Variants in MPP7 observed in about 807,000 individuals in gnomAD.
The protein encoded by MPP7 is MAGUK p55 scaffold protein 7, also known as MAGUK p55 subfamily member 7.
Under a neutral mutation model 76.5 loss-of-function variants are expected in MPP7, and 60 were observed. The observed-to-expected ratio is 0.78, with a 90% confidence interval of 0.64 to 0.97. The LOEUF (loss-of-function observed/expected upper bound fraction) is 0.97, where lower values mean the gene tolerates loss of function less well. MPP7 is among the 50% of genes least tolerant of loss of function. MPP7 has a pLI of 0.00. For missense variants in MPP7, 641 were observed against 694.0 expected (o/e 0.92, Z 0.86); for synonymous variants, 237 against 244.5 (o/e 0.97, Z 0.29).
At chr10:28,062,962 T>C (rs1451362701) in intron 13 of MPP7, among the ~76,000 whole-genome samples, 1 of 150,738 alleles carries the variant, frequency 6.6e-6, no homozygotes, top group Non-Finnish European at 1.5e-5. Context: ...AACAGAAAAA[T>C]TACAAAACAT....
intron 1 of MPP7, among the ~76,000 whole-genome samples, chr10:28,294,531 G>A (rs574863222): frequency 1.3e-5 from 2 of 152,164 alleles, no homozygotes; most frequent in East Asian, 3.9e-4. Context: ...AGGCAGCATC[G>A]ATATGAATGT....
At chr10:28,172,122 G>A (rs1397702106) in intron 3 of MPP7, among the ~76,000 whole-genome samples, 2 of 152,178 alleles carry the variant, frequency 1.3e-5, no homozygotes, top group Non-Finnish European at 2.9e-5. Flanking sequence ...GGAGAAGGAC[G>A]ATGTCATGAA....
At chr10:28,201,714 C>A (rs539353841) in intron 3 of MPP7, among the ~76,000 whole-genome samples, 1 of 152,242 alleles carries the variant, frequency 6.6e-6, no homozygotes, top group South Asian at 2.1e-4. Context: ...AAAGGAACAG[C>A]TTACTAGAAT....
chr10:28,080,875 A>G (rs1285928975), intron 12 of MPP7, among the ~76,000 whole-genome samples: 1 of 152,214 alleles, frequency 6.6e-6, no homozygotes, highest in East Asian at 1.9e-4. Context: ...CTAATTCTAC[A>G]AGCCTTCCAT....
chr10:28,333,861 G>A (rs951760438), intron 1 of MPP7, among the ~76,000 whole-genome samples: 1 of 152,208 alleles, frequency 6.6e-6, no homozygotes, highest in East Asian at 1.9e-4. Context: ...AATTTGGGCC[G>A]AGAAATTTTT....
chr10:28,228,617 T>G (rs889928900), intron 2 of MPP7, among the ~76,000 whole-genome samples: 1 of 151,838 alleles, frequency 6.6e-6, no homozygotes, highest in Admixed American at 6.6e-5. Context: ...AATACAAAAA[T>G]TAGCCGGGTG....
chr10:28,330,910 C>G (rs1209435345), intron 1 of MPP7, among the ~76,000 whole-genome samples: 1 of 152,182 alleles, frequency 6.6e-6, no homozygotes, highest in East Asian at 1.9e-4. Flanking sequence ...ATCCTCCTGC[C>G]TCAGCCTCCC....
upstream of MPP7, among the ~76,000 whole-genome samples, chr10:28,305,235 G>A (rs1435615278): frequency 6.6e-6 from 1 of 152,206 alleles, no homozygotes; most frequent in African/African-American, 2.4e-5. Flanking sequence ...AAGCCAGCAT[G>A]GGTATCATGG....
chr10:28,132,427 A>G (rs1262389446), intron 5 of MPP7, among the ~76,000 whole-genome samples: 14 of 152,122 alleles, frequency 9.2e-5, no homozygotes, highest in Admixed American at 5.9e-4. Context: ...TATATATTCT[A>G]TTTTTTAAAA....
At chr10:28,262,218 T>TAC (rs1839989732) in intron 1 of MPP7, among the ~76,000 whole-genome samples, 1 of 56,328 alleles carries the variant, frequency 1.8e-5, no homozygotes. Flanking sequence ...CATATATATA[T>TAC]ATATATACAT....
chr10:28,245,892 A>G (rs1839418415), intron 1 of MPP7, among the ~76,000 whole-genome samples: 1 of 97,648 alleles, frequency 1.0e-5, no homozygotes, highest in Non-Finnish European at 2.2e-5. Context: ...GATCAAGCAG[A>G]AAAAAAAAAT....
At chr10:28,200,894 C>A (rs546676889) in intron 3 of MPP7, among the ~76,000 whole-genome samples, 1 of 152,254 alleles carries the variant, frequency 6.6e-6, no homozygotes, top group African/African-American at 2.4e-5. Flanking sequence ...GATGACACCT[C>A]AAATATATTT....
At chr10:28,165,727 T>C (rs1836429154) in intron 3 of MPP7, among the ~76,000 whole-genome samples, 1 of 151,950 alleles carries the variant, frequency 6.6e-6, no homozygotes, top group Admixed American at 6.6e-5. Flanking sequence ...AAGTAAAATT[T>C]AGAATTTAGT....
At chr10:28,285,513 T>G (rs1840770929) in intron 1 of MPP7, among the ~76,000 whole-genome samples, 1 of 152,164 alleles carries the variant, frequency 6.6e-6, no homozygotes, top group South Asian at 2.1e-4. Context: ...TAACTAGATC[T>G]CAAAGAGTTG....
At chr10:28,148,469 C>T (rs1835777880) in intron 4 of MPP7, among the ~76,000 whole-genome samples, 2 of 152,142 alleles carry the variant, frequency 1.3e-5, no homozygotes, top group South Asian at 4.1e-4. Flanking sequence ...TTTCCATTTG[C>T]CCCTACTTTT....
At chr10:28,218,051 C>T (rs536387345) in intron 2 of MPP7, among the ~76,000 whole-genome samples, 8 of 152,228 alleles carry the variant, frequency 5.3e-5, no homozygotes, top group Non-Finnish European at 7.4e-5. Context: ...ATGAAAATAA[C>T]GATGTGTAAT....
chr10:28,288,838 G>C (rs951418511), intron 1 of MPP7, among the ~76,000 whole-genome samples: 2 of 152,152 alleles, frequency 1.3e-5, no homozygotes, highest in African/African-American at 4.8e-5. Flanking sequence ...GTCTGGCCTA[G>C]AGCACCAAGA....
chr10:28,147,624 T>C, intron 4 of MPP7, 61 bp from the exon 5 acceptor site: 17 of 1,416,704 alleles, frequency 1.2e-5, no homozygotes, highest in Non-Finnish European at 1.7e-5. Flanking sequence ...GGATTGGGTG[T>C]GTGACAACTG....
chr10:28,315,463 T>C (rs936388783), intron 2 of MPP7, among the ~76,000 whole-genome samples: 2 of 152,126 alleles, frequency 1.3e-5, no homozygotes, highest in African/African-American at 4.8e-5. Context: ...CGAGCTGGCA[T>C]GTGCTTTGCA....
Sources: gnomAD v4.1 joint callset for allele counts (sites outside exome capture counted in the v4.1 genomes callset) on GRCh38, gnomAD v4.1.1 for gene constraint, MANE v1.5 for transcripts, NCBI Gene and HGNC (gene_info 2026-07-23, HGNC 2026-07-21) for gene names.